The following SGK3 variants were observed in gnomAD, a reference collection of about 807,000 sequenced individuals.
The protein encoded by SGK3 is serum/glucocorticoid regulated kinase family member 3, also known as serine/threonine-protein kinase Sgk3.
A neutral mutation model predicts 68.5 loss-of-function variants in SGK3; 47 were observed. The observed-to-expected ratio is 0.69, with a 90% CI of 0.54 to 0.87. The LOEUF (loss-of-function observed/expected upper bound fraction) is 0.87, where lower values mean the gene tolerates loss of function less well. Ranked by LOEUF, SGK3 falls within the 40% of genes least tolerant of loss-of-function variation. The pLI is 0.00. For missense variants in SGK3, 479 were observed against 575.5 expected (o/e 0.83, Z 1.72); for synonymous variants, 181 against 189.1 (o/e 0.96, Z 0.35).
chr8:66,795,714 G>T (rs1807652068), intron 2 of SGK3, among the ~76,000 whole-genome samples: 3 of 151,990 alleles, frequency 2.0e-5, no homozygotes, highest in Non-Finnish European at 4.4e-5. Context: ...GTTCTCAAAG[G>T]CCCTATCTAA....
intron 8 of SGK3, among the ~76,000 whole-genome samples, chr8:66,833,863 G>A (rs927103541): frequency 6.6e-6 from 1 of 151,724 alleles, no homozygotes; most frequent in African/African-American, 2.4e-5. Context: ...TGCTAATTTT[G>A]TATTATTAGT....
At chr8:66,838,423 A>C (rs896442737) in intron 10 of SGK3, among the ~76,000 whole-genome samples, 1 of 152,130 alleles carries the variant, frequency 6.6e-6, no homozygotes, top group Admixed American at 6.6e-5. Flanking sequence ...TAACTGTCTC[A>C]ATGTTACGGT....
chr8:66,858,359 G>A (rs1360883159), intron 16 of SGK3, among the ~76,000 whole-genome samples: 6 of 151,936 alleles, frequency 3.9e-5, no homozygotes, highest in African/African-American at 7.3e-5. Flanking sequence ...CCAGCTACTC[G>A]GGAGGCTGAG....
rs78298410 is a variant in SGK3 at position 66,835,420 on chromosome 8, C to T, written c.526-343C>T. Among the ~76,000 whole-genome samples the T allele has an allele frequency of 7.0e-3, 1,061 of 152,192 alleles. 13 individuals are homozygous for T. Among genetic ancestry groups the T allele is most frequent in the African/African-American group, 0.024 (984 of 41,528 alleles). ...ATTTCCTTATCCTTGTTAATGTAGCCATGAAGTTTATAACAATATTTTCTA... is the reference window on the plus strand; with the variant it reads ...ATTTCCTTATCCTTGTTAATGTAGCTATGAAGTTTATAACAATATTTTCTA... On this transcript the variant is annotated intron_variant, in intron 8 of 16. Transcript: ENST00000521198.
At chr8:66,747,467 C>A (rs1303227880) in intron 1 of SGK3, among the ~76,000 whole-genome samples, 1 of 152,124 alleles carries the variant, frequency 6.6e-6, no homozygotes, top group Non-Finnish European at 1.5e-5. Context: ...GCTAGACTTG[C>A]AGGAGAACTA....
chr8:66,744,515 A>G (rs1386070813), intron 1 of SGK3, among the ~76,000 whole-genome samples: 5 of 22,490 alleles, frequency 2.2e-4, no homozygotes, highest in African/African-American at 6.9e-4. Context: ...ATATATATAT[A>G]TATATTTTTT....
intron 4 of SGK3, among the ~76,000 whole-genome samples, chr8:66,812,599 ACCGCC>A (rs1468929022): frequency 6.6e-6 from 1 of 151,970 alleles, no homozygotes; most frequent in Non-Finnish European, 1.5e-5. Flanking sequence ...TGGCTTTTAG[ACCGCC>A]CCAACCACTA....
chr8:66,723,044 A>G (rs1309566268), intron 1 of SGK3, among the ~76,000 whole-genome samples: 2 of 140,312 alleles, frequency 1.4e-5, no homozygotes, highest in African/African-American at 5.2e-5. Flanking sequence ...TATCCAAACT[A>G]TATCAGGTAC....
chr8:66,742,860 G>A (rs1805522105), intron 1 of SGK3, among the ~76,000 whole-genome samples: 1 of 152,034 alleles, frequency 6.6e-6, no homozygotes, highest in Non-Finnish European at 1.5e-5. Flanking sequence ...CTCCAATCAT[G>A]CCTTTCTGTC....
chr8:66,846,197 G>A (rs753321089), intron 14 of SGK3, among the ~76,000 whole-genome samples: 1 of 152,190 alleles, frequency 6.6e-6, no homozygotes, highest in African/African-American at 2.4e-5. Flanking sequence ...TCAAAAGGAA[G>A]TAGTTTTGTA....
intron 1 of SGK3, among the ~76,000 whole-genome samples, chr8:66,723,116 TATATATATATA>T (rs1226308018): frequency 9.4e-4 from 49 of 52,310 alleles, no homozygotes; most frequent in African/African-American, 2.9e-3. Flanking sequence ...TATATATATA[TATATATATATA>T]TATATTTTTT....
chr8:66,765,485 A>T (rs375551758), intron 1 of SGK3, among the ~76,000 whole-genome samples: 8 of 151,920 alleles, frequency 5.3e-5, no homozygotes, highest in African/African-American at 1.9e-4. Flanking sequence ...ATTTGCAAAT[A>T]TTTTCTCTCA....
rs547337326 is a variant in SGK3, at chr8:66,749,934, T to G, written c.-122+37101T>G. 6.0e-4 allele frequency among the ~76,000 whole-genome samples: 66 copies of G among 109,950 alleles called. 1 individual carries two copies. Among genetic ancestry groups the G allele is most frequent in the Admixed American group, 2.2e-3 (25 of 11,224 alleles). 72.1% of individuals were successfully genotyped at this position (109,950 alleles called of 152,430 possible). A position where few individuals can be genotyped will look rare whatever the true frequency, so the allele number is the denominator to read the frequency against. Reference sequence around the variant, plus strand: ...CTCTGCCTGGAAATAGTTTCTAGGGTGTGTGTGTGTGTGTGTGTGTGTGTG... The same window carrying G: ...CTCTGCCTGGAAATAGTTTCTAGGGGGTGTGTGTGTGTGTGTGTGTGTGTG... On this transcript the variant is annotated intron_variant, in intron 1 of 16. Transcript: ENST00000521198.
intron 1 of SGK3, among the ~76,000 whole-genome samples, chr8:66,777,302 G>GT (rs577527967): frequency 3.3e-5 from 5 of 152,158 alleles, no homozygotes; most frequent in South Asian, 2.1e-4. Context: ...ACATGAGAGC[G>GT]TAAGTTCCAT....
chr8:66,740,813 G>A (rs979352907), intron 1 of SGK3, among the ~76,000 whole-genome samples: 3 of 146,788 alleles, frequency 2.0e-5, no homozygotes, highest in Non-Finnish European at 4.4e-5. Flanking sequence ...AGGATGAGAC[G>A]AAAGAATCAC....
chr8:66,797,386 G>C (rs1807741907), intron 2 of SGK3, among the ~76,000 whole-genome samples: 2 of 152,138 alleles, frequency 1.3e-5, no homozygotes, highest in African/African-American at 4.8e-5. Context: ...ACTTCTGCAT[G>C]CTGTCCATGT....
intron 1 of SGK3, among the ~76,000 whole-genome samples, chr8:66,755,878 G>T (rs1805959481): frequency 6.6e-6 from 1 of 152,172 alleles, no homozygotes; most frequent in African/African-American, 2.4e-5. Flanking sequence ...TAAGTCAGGG[G>T]TCAAGGAAAG....
intron 5 of SGK3, among the ~76,000 whole-genome samples, chr8:66,816,861 C>T (rs1034385090): frequency 1.7e-4 from 26 of 151,190 alleles, no homozygotes; most frequent in East Asian, 6.1e-4. Flanking sequence ...GACAGACTCT[C>T]GCTCTATCGC....
At chr8:66,729,735 T>A (rs950834488) in intron 1 of SGK3, among the ~76,000 whole-genome samples, 18 of 150,908 alleles carry the variant, frequency 1.2e-4, no homozygotes, top group Admixed American at 2.6e-4. Flanking sequence ...ATTTATTTAT[T>A]TTTATTTATT....
Sources: gnomAD v4.1 joint callset for allele counts (sites outside exome capture counted in the v4.1 genomes callset) on GRCh38, gnomAD v4.1.1 for gene constraint, MANE v1.5 for transcripts, NCBI Gene and HGNC (gene_info 2026-07-23, HGNC 2026-07-21) for gene names.